Variants in GCNT2 observed in about 807,000 individuals in gnomAD.
GCNT2 encodes the protein N-acetyllactosaminide beta-1,6-N-acetylglucosaminyl-transferase.
GCNT2 carries 34 observed loss-of-function variants against 34.2 expected under a neutral mutation model. That is an observed-to-expected ratio of 1.00 (90% CI 0.76 to 1.32). GCNT2 has a LOEUF of 1.32. GCNT2 is among the 40% of genes most tolerant of loss of function. GCNT2 has a pLI of 0.00. For synonymous variants in GCNT2, 212 were observed against 188.0 expected, an observed-to-expected ratio of 1.13 and a Z score of -1.04; for missense variants, 584 against 489.4, an observed-to-expected ratio of 1.19 and a Z score of -1.82.
chr6:10,563,981 G>T lies in GCNT2; in HGVS notation c.925+34145G>T, dbSNP rs181109999. 2.0e-5 allele frequency among the ~76,000 whole-genome samples: 3 copies of T among 151,996 alleles called. No homozygotes were observed. In the East Asian group the frequency reaches 5.8e-4, roughly 29 times the overall value. ...GCGAATATTCTGAAGATGAAACTTA[G>T]CTAATTCTAAGTCTTATTCAGCTTG... On this transcript the variant is annotated intron_variant, in intron 3 of 4. Transcript: ENST00000495262.
intron 3 of GCNT2, chr6:10,557,488 A>ATTTTTTT: frequency 1.2e-5 from 8 of 674,838 alleles, no homozygotes; most frequent in South Asian, 1.1e-4. Flanking sequence ...ATGCAGAAAG[A>ATTTTTTT]TGTTCTTTTT....
In GCNT2 at chr6:10,529,108, A is replaced by G. The variant is rs529017411; in HGVS notation, c.197A>G (p.Lys66Arg). ...KVFYPTENAL[K>R]TTLDEATCYE... ...TTTTACCCAACAGAAAATGCATTGAAAACTACCCTTGATGAAGCTACCTGC... is the reference window on the plus strand; with the variant it reads ...TTTTACCCAACAGAAAATGCATTGAGAACTACCCTTGATGAAGCTACCTGC... Residue 66 changes from lysine (K) to arginine (R), a missense_variant, in exon 3 of 5, where the codon AAA becomes AGA. Coordinates refer to ENST00000495262, the MANE Select transcript of GCNT2 (RefSeq NM_145649.5). 6.2e-7 allele frequency: 1 copy of G among 1,614,134 alleles called. No individual in the cohort carries two copies. The highest frequency in any genetic ancestry group is 1.3e-5 in the African/African-American group (1 of 75,028).
At chr6:10,581,145 A>G (rs531548336) in intron 3 of GCNT2, among the ~76,000 whole-genome samples, 2 of 152,240 alleles carry the variant, frequency 1.3e-5, no homozygotes, top group African/African-American at 4.8e-5. Context: ...ACCTACTGCT[A>G]GGGCCAGCCA....
At chr6:10,562,804 G>A (rs1279198844) in intron 3 of GCNT2, among the ~76,000 whole-genome samples, 2 of 152,130 alleles carry the variant, frequency 1.3e-5, no homozygotes, top group African/African-American at 4.8e-5. Context: ...CTTTGGTGGA[G>A]GAGGCTGCTC....
At chr6:10,599,124 T>G (rs1367243069) in intron 3 of GCNT2, among the ~76,000 whole-genome samples, 1 of 152,138 alleles carries the variant, frequency 6.6e-6, no homozygotes, top group Non-Finnish European at 1.5e-5. Flanking sequence ...AAAAGCAGCT[T>G]GAATTCCCTC....
chr6:10,617,268 C>A (rs1290513750), intron 3 of GCNT2, among the ~76,000 whole-genome samples: 1 of 152,226 alleles, frequency 6.6e-6, no homozygotes, highest in Non-Finnish European at 1.5e-5. Flanking sequence ...AGGTGCTAAG[C>A]CCCTCACTGC....
At chr6:10,546,441 G>C (rs1257235873) in intron 3 of GCNT2, among the ~76,000 whole-genome samples, 1 of 152,162 alleles carries the variant, frequency 6.6e-6, no homozygotes, top group Non-Finnish European at 1.5e-5. Context: ...GGCGGATCAT[G>C]AGGTCAGGAG....
At chr6:10,542,886 GTTAA>G (rs769617320) in intron 3 of GCNT2, among the ~76,000 whole-genome samples, 88 of 112,296 alleles carry the variant, frequency 7.8e-4, no homozygotes, top group Non-Finnish European at 1.4e-3. Context: ...TGGTCCCTAT[GTTAA>G]TTCTTTTTTT....
At chr6:10,550,733 C>T (rs1427298493) in intron 3 of GCNT2, among the ~76,000 whole-genome samples, 5 of 151,848 alleles carry the variant, frequency 3.3e-5, no homozygotes, top group South Asian at 2.1e-4. Flanking sequence ...TCCTCTCCCT[C>T]GGCCTCCCAA....
chr6:10,620,419 T>TA (rs571458896), intron 3 of GCNT2, among the ~76,000 whole-genome samples: 85 of 151,946 alleles, frequency 5.6e-4, no homozygotes, highest in South Asian at 3.7e-3. Context: ...TTTTTTTTTT[T>TA]ATTTTGAGAC....
At chr6:10,548,919 C>T (rs35125775) in intron 3 of GCNT2, among the ~76,000 whole-genome samples, 28,991 of 152,146 alleles carry the variant, frequency 0.19, 2,881 homozygotes, top group East Asian at 0.26. Flanking sequence ...CCACCACACC[C>T]GGCTAATTTT....
chr6:10,529,833 C>A lies in GCNT2; in HGVS notation c.922C>A (p.Pro308Thr), dbSNP rs778975495. 6.2e-7 allele frequency: 1 copy of A among 1,610,492 alleles called. No homozygotes were observed. The highest frequency in any genetic ancestry group is 1.1e-5 in the South Asian group (1 of 91,020). ...EHFWVTLNRIPGVPGSMPNAS... is the reference protein window; with the variant it reads ...EHFWVTLNRITGVPGSMPNAS... ...TTTCTGGGTGACACTCAACAGGATT[C>A]CCGGTATGTACGTCTCTTAACTTTT... The change falls in exon 3 of 5, where the codon CCC becomes ACC. Residue 308 changes from proline to threonine, a missense_variant. Pro to Thr is a conservative substitution (Grantham distance 38). Coordinates refer to ENST00000495262, the MANE Select transcript of GCNT2 (RefSeq NM_145649.5).
At chr6:10,604,868 A>AAG (rs1765240569) in intron 3 of GCNT2, among the ~76,000 whole-genome samples, 1 of 114,968 alleles carries the variant, frequency 8.7e-6, no homozygotes, top group Non-Finnish European at 2.2e-5. Flanking sequence ...CAAAAAAAAG[A>AAG]AAAAGAAAAA....
intron 3 of GCNT2, among the ~76,000 whole-genome samples, chr6:10,606,350 G>A (rs1456896095): frequency 1.3e-5 from 2 of 152,092 alleles, no homozygotes; most frequent in Non-Finnish European, 1.5e-5. Context: ...CCAAAAGCAA[G>A]TCACATGGCC....
Position 10,543,057 on chromosome 6 carries a change from G to A in GCNT2, c.925+13221G>A, listed in dbSNP as rs145751048. 6.3e-3 allele frequency among the ~76,000 whole-genome samples: 956 copies of A among 150,722 alleles called. 8 individuals are homozygous for A. The highest frequency in any genetic ancestry group is 0.022 in the African/African-American group (911 of 40,936). ...CAAGTAGCTGGGATTACAGGCATGCGCCACCACACCCGGCTAATTTTTATA... is the reference window on the plus strand; with the variant it reads ...CAAGTAGCTGGGATTACAGGCATGCACCACCACACCCGGCTAATTTTTATA... On this transcript the variant is annotated intron_variant, in intron 3 of 4. Coordinates refer to ENST00000495262, the MANE Select transcript of GCNT2 (RefSeq NM_145649.5).
At chr6:10,556,815 C>T (rs903709186) in intron 3 of GCNT2, 6 of 1,614,028 alleles carry the variant, frequency 3.7e-6, no homozygotes, top group African/African-American at 2.7e-5. Flanking sequence ...GAAAAAGCAA[C>T]AACTGAATTT....
chr6:10,580,151 C>A (rs1437124531), intron 3 of GCNT2, among the ~76,000 whole-genome samples: 6 of 152,192 alleles, frequency 3.9e-5, no homozygotes, highest in Admixed American at 3.9e-4. Context: ...CAAATGCCAT[C>A]CTTAGGGGTA....
intron 4 of GCNT2, among the ~76,000 whole-genome samples, chr6:10,622,706 A>G (rs993389119): frequency 1.5e-5 from 2 of 137,380 alleles, no homozygotes; most frequent in Non-Finnish European, 3.1e-5. Flanking sequence ...TTTTCTCTCT[A>G]TGGCAACGAG....
At chr6:10,584,834 A>T (rs916090227) in intron 3 of GCNT2, among the ~76,000 whole-genome samples, 7 of 152,154 alleles carry the variant, frequency 4.6e-5, no homozygotes, top group African/African-American at 1.7e-4. Flanking sequence ...AGCAGAACAA[A>T]ATGGAGTTTC....
Sources: gnomAD v4.1 joint callset for allele counts (sites outside exome capture counted in the v4.1 genomes callset) on GRCh38, gnomAD v4.1.1 for gene constraint, MANE v1.5 for transcripts, NCBI Gene and HGNC (gene_info 2026-07-23, HGNC 2026-07-21) for gene names.